The following DPP6 variants were observed in gnomAD, a reference collection of about 807,000 sequenced individuals.
The protein encoded by DPP6 is dipeptidyl peptidase like 6.
DPP6 carries 69 observed loss-of-function variants against 122.6 expected under a neutral mutation model. The ratio of observed to expected loss-of-function variants is 0.56; its 90% CI spans 0.46 to 0.69. DPP6 has a LOEUF of 0.69. DPP6 is among the 30% of genes least tolerant of loss of function. DPP6 has a pLI of 0.00. For synonymous variants in DPP6, 418 were observed against 433.1 expected, an observed-to-expected ratio of 0.97 and a Z score of 0.43; for missense variants, 928 against 1,116.9, an observed-to-expected ratio of 0.83 and a Z score of 2.41.
chr7:154,200,190 C>T (rs1799096978), intron 1 of DPP6, among the ~76,000 whole-genome samples: 3 of 151,910 alleles, frequency 2.0e-5, no homozygotes. Context: ...TTTCCTGGCT[C>T]CTTTTTTTTT....
At chr7:154,575,070 TTGTGTGTA>T (rs1831465226) in intron 5 of DPP6, among the ~76,000 whole-genome samples, 1 of 100,668 alleles carries the variant, frequency 9.9e-6, no homozygotes, top group Non-Finnish European at 1.9e-5. Flanking sequence ...GTTTGGTGTG[TTGTGTGTA>T]TGTGTGTGAT....
Position 154,282,594 on chromosome 7 carries a change from A to T in DPP6, c.244-163620A>T, listed in dbSNP as rs887425041. 6.6e-6 allele frequency among the ~76,000 whole-genome samples: 1 copy of T among 152,184 alleles called. No individual in the cohort carries two copies. Among genetic ancestry groups the T allele is most frequent in the Non-Finnish European group, 1.5e-5 (1 of 68,026 alleles). ...GATGCAGCCCAGGGCCTCCCTGCCC[A>T]TGGCATTTTCTCAGGAGCTGTCTCC... On this transcript the variant is annotated intron_variant, in intron 1 of 25. Transcript: ENST00000377770. The surrounding 1 kb of genome is among the most constrained non-coding windows in gnomAD (Gnocchi z 4.8).
At chr7:153,804,586 T>A in the DPP6 span, among the ~76,000 whole-genome samples, 1 of 152,108 alleles carries the variant, frequency 6.6e-6, no homozygotes, top group Non-Finnish European at 1.5e-5. Context: ...CAAAAGTAAT[T>A]GAGGTTTTTG....
At chr7:154,685,718 G>A (rs1451913708) in intron 7 of DPP6, among the ~76,000 whole-genome samples, 3 of 152,206 alleles carry the variant, frequency 2.0e-5, no homozygotes, top group African/African-American at 7.2e-5. Context: ...CAAAAAGGCA[G>A]CTGTACTTCC....
chr7:153,974,490 C>T (rs39152), intron 1 of DPP6, among the ~76,000 whole-genome samples: 12,845 of 151,982 alleles, frequency 0.085, 723 homozygotes, highest in East Asian at 0.25. Context: ...TTCCTGATTC[C>T]GAATCATAAA....
At chr7:154,288,228 G>A (rs1306448584) in intron 1 of DPP6, among the ~76,000 whole-genome samples, 1 of 152,228 alleles carries the variant, frequency 6.6e-6, no homozygotes, top group Non-Finnish European at 1.5e-5. Context: ...GCTCTGCTGT[G>A]TGAACTTTCT....
At chr7:153,766,895 A>G in the DPP6 span, among the ~76,000 whole-genome samples, 3 of 152,192 alleles carry the variant, frequency 2.0e-5, no homozygotes, top group Non-Finnish European at 2.9e-5. Flanking sequence ...TCTTTAAGGT[A>G]TACCATCCAT....
At chr7:154,569,363 CAATT>C (rs1461556223) in intron 5 of DPP6, among the ~76,000 whole-genome samples, 7 of 151,984 alleles carry the variant, frequency 4.6e-5, no homozygotes, top group Middle Eastern at 3.4e-3. Context: ...TCTTTAAAAA[CAATT>C]AAAGGTTCCA....
Position 154,354,687 on chromosome 7 carries a change from A to T in DPP6, c.244-91527A>T, listed in dbSNP as rs527268902. Among the ~76,000 whole-genome samples, 4 of 152,328 alleles carry T rather than the reference A, an allele frequency of 2.6e-5. No individual in the cohort carries two copies. In the South Asian group the frequency reaches 6.2e-4, roughly 24 times the overall value. On this transcript the variant is annotated intron_variant, in intron 1 of 25. Transcript: ENST00000377770. ...CATCTAGCTTAATTTGCCTAAGATT[A>T]TGTCTGAAAGTCGCCTCACATGTAG...
chr7:154,448,550 T>C (rs1820082216), intron 2 of DPP6, among the ~76,000 whole-genome samples: 1 of 152,168 alleles, frequency 6.6e-6, no homozygotes, highest in Non-Finnish European at 1.5e-5. Context: ...AATCCCTCTT[T>C]CTTTCTTAAA....
At chr7:154,847,981 G>A (rs1310798200) in intron 16 of DPP6, among the ~76,000 whole-genome samples, 1 of 152,188 alleles carries the variant, frequency 6.6e-6, no homozygotes, top group Non-Finnish European at 1.5e-5. Flanking sequence ...ATTCATCTGT[G>A]TTGTCACAAA....
intron 1 of DPP6, among the ~76,000 whole-genome samples, chr7:154,143,324 G>C (rs1216916487): frequency 6.6e-6 from 1 of 152,108 alleles, no homozygotes; most frequent in Admixed American, 6.5e-5. Flanking sequence ...GAGGTGAATT[G>C]CAGTAAACAA....
intron 5 of DPP6, among the ~76,000 whole-genome samples, chr7:154,595,415 A>G (rs6979222): frequency 0.98 from 148,697 of 152,206 alleles, 72,740 homozygotes; most frequent in Non-Finnish European, 1. Flanking sequence ...TTGGGCTTCC[A>G]TTTTGCCATC....
intron 1 of DPP6, among the ~76,000 whole-genome samples, chr7:154,425,109 GACTC>G (rs936990613): frequency 4.2e-4 from 64 of 152,314 alleles, no homozygotes; most frequent in African/African-American, 1.5e-3. Flanking sequence ...AAGAAGAACA[GACTC>G]ACTCAGCAGC....
At chr7:154,154,911 A>G (rs535537408) in intron 1 of DPP6, among the ~76,000 whole-genome samples, 1 of 152,234 alleles carries the variant, frequency 6.6e-6, no homozygotes, top group Admixed American at 6.5e-5. Flanking sequence ...GACAGATGCC[A>G]TTTTGGGGAC....
At chr7:154,324,901 C>G (rs1313594746) in intron 1 of DPP6, among the ~76,000 whole-genome samples, 1 of 106,670 alleles carries the variant, frequency 9.4e-6, no homozygotes, top group African/African-American at 3.4e-5. Context: ...GCTCTGTTGC[C>G]CCTGGATGGA....
At chr7:153,858,447 G>A in the DPP6 span, among the ~76,000 whole-genome samples, 217 of 152,240 alleles carry the variant, frequency 1.4e-3, no homozygotes, top group East Asian at 0.011. Context: ...GGCTCAAGAC[G>A]GGACTCTTGT....
chr7:154,151,687 G>A (rs1404094306), intron 1 of DPP6, among the ~76,000 whole-genome samples: 9 of 151,948 alleles, frequency 5.9e-5, no homozygotes. Flanking sequence ...ACTTCCAGAT[G>A]GCATTCGACT....
At chr7:153,843,119 T>C in the DPP6 span, among the ~76,000 whole-genome samples, 6 of 149,218 alleles carry the variant, frequency 4.0e-5, no homozygotes, top group Admixed American at 1.3e-4. Context: ...TGCATACACA[T>C]GCGCATACAC....
Sources: gnomAD v4.1 joint callset for allele counts (sites outside exome capture counted in the v4.1 genomes callset) on GRCh38, gnomAD v4.1.1 for gene constraint, Gnocchi (gnomAD v3.1) non-coding constraint, MANE v1.5 for transcripts, NCBI Gene and HGNC (gene_info 2026-07-23, HGNC 2026-07-21) for gene names.